Variants in ITSN1 observed in about 807,000 individuals in gnomAD.
ITSN1 encodes the protein intersectin 1.
Under a neutral mutation model 239.8 loss-of-function variants are expected in ITSN1, and 58 were observed. The ratio of observed to expected loss-of-function variants is 0.24; its 90% confidence interval spans 0.20 to 0.30. The LOEUF (loss-of-function observed/expected upper bound fraction) is 0.30, where lower values mean the gene tolerates loss of function less well. Among genes scored for constraint, ITSN1 ranks in the 10% least tolerant of loss-of-function variants. ITSN1 has a pLI of 1.00. For synonymous variants in ITSN1, 780 were observed against 770.8 expected (o/e 1.01, Z -0.20); for missense variants, 1,558 against 2,103.3 (o/e 0.74, Z 5.07).
intron 31 of ITSN1, among the ~76,000 whole-genome samples, chr21:33,863,971 T>C (rs2148497876): frequency 6.6e-6 from 1 of 152,384 alleles, no homozygotes; most frequent in East Asian, 1.9e-4. Flanking sequence ...GTGGAATCGC[T>C]GACTGCTCAC....
intron 4 of ITSN1, among the ~76,000 whole-genome samples, chr21:33,723,487 G>T (rs1056367864): frequency 6.6e-6 from 1 of 152,024 alleles, no homozygotes; most frequent in Non-Finnish European, 1.5e-5. Flanking sequence ...GGTGGCGGGC[G>T]CCTGTAGTCC....
At chr21:33,674,982 ACACT>A (rs1190783161) in intron 1 of ITSN1, among the ~76,000 whole-genome samples, 1 of 152,164 alleles carries the variant, frequency 6.6e-6, no homozygotes, top group Non-Finnish European at 1.5e-5. Context: ...ATCATAAAGG[ACACT>A]CACTCTTTCC....
Position 33,853,583 on chromosome 21 carries a change from A to G in ITSN1, c.3662-3153A>G, listed in dbSNP as rs183217925. 2.5e-3 allele frequency among the ~76,000 whole-genome samples: 376 copies of G among 152,204 alleles called. 1 individual carries two copies. The highest frequency in any genetic ancestry group is 8.8e-3 in the African/African-American group (366 of 41,518). On this transcript the variant is annotated intron_variant, in intron 29 of 39. Coordinates refer to ENST00000381318, the MANE Select transcript of ITSN1 (RefSeq NM_003024.3). ...TTTTCCCCATAGGTCCTTCTTTCCG[A>G]TTCCTCATCATTCTACGCGTGTCTG...
intron 14 of ITSN1, among the ~76,000 whole-genome samples, chr21:33,777,629 C>A (rs975952788): frequency 2.0e-5 from 3 of 152,090 alleles, no homozygotes; most frequent in Non-Finnish European, 2.9e-5. Context: ...TTGCAGTGTC[C>A]AAGTCTTGTA....
intron 5 of ITSN1, among the ~76,000 whole-genome samples, chr21:33,747,611 T>C (rs555099574): frequency 1.3e-5 from 2 of 152,218 alleles, no homozygotes; most frequent in South Asian, 2.1e-4. Flanking sequence ...TCATCATGGA[T>C]AGGGGAGCAT....
intron 16 of ITSN1, among the ~76,000 whole-genome samples, chr21:33,790,938 T>C (rs1171152744): frequency 6.6e-6 from 1 of 152,194 alleles, no homozygotes; most frequent in Non-Finnish European, 1.5e-5. Context: ...TTTAATAGTA[T>C]GGAGAAGAAT....
At chr21:33,676,301 G>A (rs2090588033) in intron 1 of ITSN1, among the ~76,000 whole-genome samples, 1 of 152,068 alleles carries the variant, frequency 6.6e-6, no homozygotes, top group African/African-American at 2.4e-5. Flanking sequence ...CATTTTTAAG[G>A]ATTTCTGCTC....
At chr21:33,702,901 A>G (rs991932584) in intron 1 of ITSN1, among the ~76,000 whole-genome samples, 12 of 152,104 alleles carry the variant, frequency 7.9e-5, no homozygotes, top group African/African-American at 2.9e-4. Context: ...AACATGGTGA[A>G]ACCCTGTCTC....
intron 20 of ITSN1, among the ~76,000 whole-genome samples, chr21:33,805,295 G>T (rs1227487007): frequency 6.6e-6 from 1 of 152,194 alleles, no homozygotes; most frequent in Non-Finnish European, 1.5e-5. Context: ...GAAATTGTTT[G>T]TCTTAGTGTT....
At chr21:33,732,920 A>C (rs2147234729) in intron 4 of ITSN1, among the ~76,000 whole-genome samples, 1 of 152,326 alleles carries the variant, frequency 6.6e-6, no homozygotes, top group South Asian at 2.1e-4. Context: ...TATTAAAGGA[A>C]ATAGTATATT....
At chr21:33,844,928 A>G (rs1445351314) in intron 29 of ITSN1, among the ~76,000 whole-genome samples, 10 of 151,512 alleles carry the variant, frequency 6.6e-5, no homozygotes, top group Non-Finnish European at 1.0e-4. Context: ...CTCCCCTTCC[A>G]TCCTGCATCC....
intron 22 of ITSN1, among the ~76,000 whole-genome samples, chr21:33,814,910 T>C (rs1207612412): frequency 1.3e-5 from 2 of 151,876 alleles, no homozygotes; most frequent in Non-Finnish European, 2.9e-5. Context: ...TGGGAGAGAC[T>C]GCAGAGGAGA....
intron 27 of ITSN1, among the ~76,000 whole-genome samples, chr21:33,832,016 G>A (rs1010855119): frequency 2.7e-4 from 41 of 152,238 alleles, no homozygotes; most frequent in African/African-American, 7.5e-4. Flanking sequence ...TTCTGGAGAC[G>A]TGGGAGACTC....
At position 33,813,941 on chromosome 21, in the gene ITSN1, G is replaced by C. The variant is rs1377875641; in HGVS notation, c.2596G>C (p.Glu866Gln). The change falls in exon 22 of 40, where the codon GAA becomes CAA. Residue 866 changes from glutamate to glutamine, a missense_variant. Physicochemically the swap from Glu to Gln is conservative, Grantham distance 29. Coordinates refer to ENST00000381318, the MANE Select transcript of ITSN1 (RefSeq NM_003024.3). Reference protein sequence around the residue: ...TWPTSTNEKPETDNWDAWAAQ... With the variant: ...TWPTSTNEKPQTDNWDAWAAQ... ...GCCCACCAGCACGAATGAGAAACCA[G>C]AAACGGATAACTGGGATGCATGGGC... is the stretch of plus-strand genomic sequence containing the variant. 14 of 1,613,652 alleles carry C rather than the reference G, an allele frequency of 8.7e-6. No homozygotes were observed. The highest frequency in any genetic ancestry group is 1.7e-6 in the Non-Finnish European group (2 of 1,179,996).
At chr21:33,807,849 G>T (rs1335753315) in intron 20 of ITSN1, among the ~76,000 whole-genome samples, 2 of 152,206 alleles carry the variant, frequency 1.3e-5, no homozygotes, top group Middle Eastern at 3.2e-3. Context: ...GGGAACTCCT[G>T]AACAGAGAAG....
At chr21:33,774,501 C>T (rs367862825) in intron 12 of ITSN1, 12 of 365,522 alleles carry the variant, frequency 3.3e-5, no homozygotes, top group South Asian at 1.7e-4. Flanking sequence ...TGTCATCTTA[C>T]GTAAATATAG....
chr21:33,854,914 C>T (rs1979025188), intron 29 of ITSN1, among the ~76,000 whole-genome samples: 1 of 152,190 alleles, frequency 6.6e-6, no homozygotes. Context: ...CAGCATTCTC[C>T]TGCTGGTCTT....
intron 27 of ITSN1, among the ~76,000 whole-genome samples, chr21:33,830,544 A>T (rs572845399): frequency 6.6e-6 from 1 of 151,774 alleles, no homozygotes; most frequent in African/African-American, 2.4e-5. Flanking sequence ...GGAGGGAGTG[A>T]CTGGTCTTCA....
At chr21:33,687,651 T>C (rs887526578) in intron 1 of ITSN1, among the ~76,000 whole-genome samples, 1 of 152,150 alleles carries the variant, frequency 6.6e-6, no homozygotes, top group Non-Finnish European at 1.5e-5. Context: ...CAGGAACAAA[T>C]GAAATGACAT....
Sources: gnomAD v4.1 joint callset for allele counts (sites outside exome capture counted in the v4.1 genomes callset) on GRCh38, gnomAD v4.1.1 for gene constraint, MANE v1.5 for transcripts, NCBI Gene and HGNC (gene_info 2026-07-23, HGNC 2026-07-21) for gene names.